Variants in TSC1 observed in about 807,000 individuals in gnomAD.
TSC1 encodes TSC complex subunit 1.
TSC1 carries 20 observed loss-of-function variants against 124.3 expected under a neutral mutation model. That is an observed-to-expected ratio of 0.16 (90% CI 0.11 to 0.23). TSC1 has a LOEUF of 0.23. Ranked by LOEUF, TSC1 falls within the 10% of genes least tolerant of loss-of-function variation. TSC1 has a pLI of 1.00. For missense variants in TSC1, 1,124 were observed against 1,448.5 expected, an observed-to-expected ratio of 0.78 and a Z score of 3.64; for synonymous variants, 493 against 539.1, an observed-to-expected ratio of 0.91 and a Z score of 1.19.
At position 132,912,472 on chromosome 9, in the gene TSC1, G is replaced by GA; in HGVS notation, c.738-16dup. Reference sequence around the variant, plus strand: ...ATCTCTTCCACCTGTAAAATGCAATGAAAGTCAAGAAATGCAAACTGTAAT... The same window carrying GA: ...ATCTCTTCCACCTGTAAAATGCAATGAAAAGTCAAGAAATGCAAACTGTAAT... On this transcript the variant is annotated splice_polypyrimidine_tract_variant and intron_variant, in intron 8 of 22. Transcript: ENST00000298552. 6.2e-7 allele frequency: 1 copy of GA among 1,614,030 alleles called. No individual in the cohort carries two copies. Among genetic ancestry groups the GA allele is most frequent in the Non-Finnish European group, 8.5e-7 (1 of 1,179,988 alleles).
At position 132,921,983 on chromosome 9, in the gene TSC1, G is replaced by A. The variant is rs780670013; in HGVS notation, c.509-10C>T. On this transcript the variant is annotated splice_polypyrimidine_tract_variant and intron_variant, in intron 6 of 22. Coordinates refer to ENST00000298552, the MANE Select transcript of TSC1 (RefSeq NM_000368.5). This position sits in a 1 kb window ranked among gnomAD's most constrained non-coding sequence, Gnocchi z 4.3. ...ACTTCCGCCACGTGGCCTAGAAAAG[G>A]AACCCGTTGAGAAGAGCCTCTTAGT... 1.9e-6 allele frequency: 3 copies of A among 1,614,056 alleles called. No individual in the cohort carries two copies. In the Admixed American group the frequency reaches 5.0e-5, roughly 27 times the overall value.
rs1018666434 is a variant in TSC1, at chr9:132,895,757, G to A, written c.*478C>T. ...AAACGCTTTCATGTAAAGACAACCAGCTTTGCAGGCTATGTCCTCCTGGAA... is the reference window on the plus strand; with the variant it reads ...AAACGCTTTCATGTAAAGACAACCAACTTTGCAGGCTATGTCCTCCTGGAA... On this transcript the variant is annotated 3_prime_UTR_variant, in exon 23 of 23. Coordinates refer to ENST00000298552, the MANE Select transcript of TSC1 (RefSeq NM_000368.5). The A allele has an allele frequency of 2.0e-5, 5 of 253,286 alleles. No homozygotes were observed. The highest frequency in any genetic ancestry group is 3.9e-5 in the Non-Finnish European group (5 of 129,812). The allele number at this position is 253,286 out of a possible 1,614,324, so 15.7% of individuals were successfully genotyped here. A position where few individuals can be genotyped will look rare whatever the true frequency, so the allele number is the denominator to read the frequency against.
intron 1 of TSC1, among the ~76,000 whole-genome samples, chr9:132,938,768 G>A (rs1019773991): frequency 2.0e-5 from 3 of 152,118 alleles, no homozygotes; most frequent in African/African-American, 4.8e-5. Context: ...GAAAATACTA[G>A]TGGCAGATAC....
intron 8 of TSC1, among the ~76,000 whole-genome samples, chr9:132,918,774 T>A (rs1846393174): frequency 6.6e-6 from 1 of 152,092 alleles, no homozygotes; most frequent in South Asian, 2.1e-4. Context: ...AGATGCTCAG[T>A]TCAACATACA....
At chr9:132,910,821 AGT>A in intron 11 of TSC1, 129 bp from the exon 12 acceptor site, 4 of 1,437,838 alleles carry the variant, frequency 2.8e-6, no homozygotes, top group Non-Finnish European at 3.9e-6. Context: ...GATCTAGATC[AGT>A]CTCTCTCTTT....
intron 1 of TSC1, among the ~76,000 whole-genome samples, chr9:132,937,261 T>C (rs953750842): frequency 2.0e-5 from 3 of 152,026 alleles, no homozygotes; most frequent in East Asian, 1.9e-4. Context: ...CTAACCAACA[T>C]GGAGAAACCC....
At chr9:132,939,906 G>A (rs911695413) in intron 1 of TSC1, among the ~76,000 whole-genome samples, 5 of 152,136 alleles carry the variant, frequency 3.3e-5, no homozygotes, top group Non-Finnish European at 4.4e-5. Context: ...GGATACTTTG[G>A]GGGTGGGGCC....
intron 15 of TSC1, 56 bp downstream of exon 15, chr9:132,905,525 G>A: frequency 6.2e-7 from 1 of 1,608,176 alleles, no homozygotes; most frequent in Non-Finnish European, 8.5e-7. Context: ...TACACTTTCT[G>A]TACTTCACAA....
rs760762170 is a variant in TSC1 at position 132,897,277 on chromosome 9, T to C, written c.2882A>G (p.Glu961Gly). 2.5e-6 allele frequency: 4 copies of C among 1,614,246 alleles called. No individual in the cohort carries two copies. The South Asian group carries it at 4.4e-5, about 18-fold the overall frequency. The change falls in exon 22 of 23, where the codon GAG becomes GGG. Residue 961 changes from glutamate (E) to glycine (G), a missense_variant. Transcript: ENST00000298552. ...CAACCTGCCATATAAATCTAAGATC[T>C]CCAATTCAAACACCTGGGTTATCCT... is the stretch of plus-strand genomic sequence containing the variant. Reference protein sequence around the residue: ...QKRITQVFELEILDLYGRLEK... With the variant: ...QKRITQVFELGILDLYGRLEK...
rs2301605 is a variant in TSC1, at chr9:132,922,067, T to G, written c.509-94A>C. Reference sequence around the variant, plus strand: ...AACAAGTGGCTGCCAGCAGGACTTTTTATCTATGTATATTCCCACCTCACT... The same window carrying G: ...AACAAGTGGCTGCCAGCAGGACTTTGTATCTATGTATATTCCCACCTCACT... On this transcript the variant is annotated intron_variant, in intron 6 of 22. Transcript: ENST00000298552. The G allele has an allele frequency of 2.8e-4, 414 of 1,479,254 alleles. 2 individuals are homozygous for G. In the East Asian group the frequency reaches 6.9e-3, roughly 25 times the overall value. 91.6% of individuals were successfully genotyped at this position (1,479,254 alleles called of 1,614,324 possible).
intron 20 of TSC1, among the ~76,000 whole-genome samples, chr9:132,898,573 T>A (rs1845208392): frequency 6.6e-6 from 1 of 152,254 alleles, no homozygotes; most frequent in Admixed American, 6.5e-5. Context: ...ATAATGCGGC[T>A]GTTCCAGCTG....
intron 1 of TSC1, among the ~76,000 whole-genome samples, chr9:132,943,246 G>C (rs1192852882): frequency 7.5e-6 from 1 of 133,964 alleles, no homozygotes; most frequent in African/African-American, 2.8e-5. Flanking sequence ...AAAAAAAAAA[G>C]CCAGCAAGGA....
At position 132,896,866 on chromosome 9, in the gene TSC1, A is replaced by C; in HGVS notation, c.2976-112T>G. The C allele has an allele frequency of 6.6e-7, 1 of 1,523,824 alleles. No homozygotes were observed. The highest frequency in any genetic ancestry group is 1.9e-4 in the Middle Eastern group (1 of 5,296). 94.4% of individuals were successfully genotyped at this position (1,523,824 alleles called of 1,614,324 possible). On this transcript the variant is annotated intron_variant, in intron 22 of 22. Transcript: ENST00000298552. The surrounding 1 kb of genome is among the most constrained non-coding windows in gnomAD (Gnocchi z 4.5). Reference sequence around the variant, plus strand: ...CACTGACACTGAACTCCGCTAGCCCACTCTCTGTTTTATAATACTGGACTC... The same window carrying C: ...CACTGACACTGAACTCCGCTAGCCCCCTCTCTGTTTTATAATACTGGACTC...
At chr9:132,924,226 G>A (rs1846730593) in intron 5 of TSC1, among the ~76,000 whole-genome samples, 2 of 152,140 alleles carry the variant, frequency 1.3e-5, no homozygotes, top group African/African-American at 4.8e-5. Context: ...ATGAATGTTT[G>A]CCAGGTAGAT....
At chr9:132,939,914 G>A (rs765328519) in intron 1 of TSC1, among the ~76,000 whole-genome samples, 3 of 152,158 alleles carry the variant, frequency 2.0e-5, no homozygotes, top group Non-Finnish European at 4.4e-5. Context: ...TGGGGGTGGG[G>A]CCTTCTAGGT....
chr9:132,897,613 GAAAAAAAAA>G lies in TSC1; in HGVS notation c.2626-12_2626-4del. ...GCGGCTTTCATCATTTCTACTTCCT[GAAAAAAAAA>G]AAAAAAAAAGACTGGAATTAGTACT... On this transcript the variant is annotated splice_region_variant and splice_polypyrimidine_tract_variant and intron_variant, in intron 20 of 22. Transcript: ENST00000298552. 7.4e-7 allele frequency: 1 copy of G among 1,356,904 alleles called. No individual in the cohort carries two copies. The highest frequency in any genetic ancestry group is 1.5e-5 in the South Asian group (1 of 68,618). The allele number at this position is 1,356,904 out of a possible 1,614,324, so 84.1% of individuals were successfully genotyped here. A position where few individuals can be genotyped will look rare whatever the true frequency, so the allele number is the denominator to read the frequency against.
At chr9:132,940,674 A>C (rs1354050312) in intron 1 of TSC1, 5 of 152,228 alleles carry the variant, frequency 3.3e-5, no homozygotes, top group Admixed American at 2.6e-4. Flanking sequence ...CTGCCTCTTA[A>C]GGCTGTAAGA....
At chr9:132,913,891 G>GTTTTTTTTTTT (rs775823272) in intron 8 of TSC1, among the ~76,000 whole-genome samples, 5 of 58,374 alleles carry the variant, frequency 8.6e-5, no homozygotes, top group East Asian at 5.8e-4. Flanking sequence ...GTTTTGTTTT[G>GTTTTTTTTTTT]TTTTTTTTTT....
rs905196379 is a variant in TSC1 at position 132,895,042 on chromosome 9, G to A, written c.*1193C>T. 1.6e-4 allele frequency: 38 copies of A among 232,764 alleles called. No homozygotes were observed. The highest frequency in any genetic ancestry group is 7.5e-4 in the African/African-American group (34 of 45,402). The allele number at this position is 232,764 out of a possible 1,614,324, so 14.4% of individuals were successfully genotyped here. On this transcript the variant is annotated 3_prime_UTR_variant, in exon 23 of 23. Transcript: ENST00000298552. ...AGCCAGCCTTTGCCAGCATTCTCCC[G>A]GACTCTGTTTAGACTGCTCTGCCAT...
Sources: gnomAD v4.1 joint callset for allele counts (sites outside exome capture counted in the v4.1 genomes callset) on GRCh38, gnomAD v4.1.1 for gene constraint, Gnocchi (gnomAD v3.1) non-coding constraint, MANE v1.5 for transcripts, NCBI Gene and HGNC (gene_info 2026-07-23, HGNC 2026-07-21) for gene names.